The following RANBP2 variants were observed in gnomAD, a reference collection of about 807,000 sequenced individuals.
RANBP2 encodes the protein RAN binding protein 2, also known as E3 SUMO-protein ligase RanBP2.
Under a neutral mutation model 303.6 loss-of-function variants are expected in RANBP2, and 57 were observed. The ratio of observed to expected loss-of-function variants is 0.19; its 90% CI spans 0.15 to 0.23. The LOEUF (loss-of-function observed/expected upper bound fraction) is 0.23, where lower values mean the gene tolerates loss of function less well. Among genes scored for constraint, RANBP2 ranks in the 10% least tolerant of loss-of-function variants. RANBP2 has a pLI of 1.00. For synonymous variants in RANBP2, 1,167 were observed against 1,301.5 expected (o/e 0.90, Z 2.23); for missense variants, 3,138 against 3,780.8 (o/e 0.83, Z 4.46).
the RANBP2 span, among the ~76,000 whole-genome samples, chr2:109,135,724 A>G: frequency 6.6e-6 from 1 of 152,116 alleles, no homozygotes; most frequent in Non-Finnish European, 1.5e-5. Flanking sequence ...AGATTCAGTC[A>G]GTCCATGTTG....
chr2:109,491,289 T>A, the RANBP2 span, among the ~76,000 whole-genome samples: 5 of 152,132 alleles, frequency 3.3e-5, no homozygotes, highest in African/African-American at 1.2e-4. Flanking sequence ...AGCAGGCCCC[T>A]GGGCTGAGTC....
In RANBP2 at chr2:108,753,892, A is replaced by G. The variant is rs1043052; in HGVS notation, c.2123A>G (p.Lys708Arg). The change falls in exon 15 of 29, where the codon AAA (lysine) becomes AGA (arginine). Residue 708 changes from lysine (K) to arginine (R), a missense_variant. Lys to Arg is a conservative substitution (Grantham distance 26, BLOSUM62 2). Transcript: ENST00000283195. ...ALSPEEQEEC[K>R]NYLRKTRDYL... ...TCTCCTGAAGAACAAGAAGAATGCA[A>G]AAATTATCTGAGAAAGACCAGGGAC... The G allele has an allele frequency of 1.2e-6, 2 of 1,612,062 alleles. No individual in the cohort carries two copies. Among genetic ancestry groups the G allele is most frequent in the Admixed American group, 1.7e-5 (1 of 60,022 alleles).
the RANBP2 span, among the ~76,000 whole-genome samples, chr2:109,669,317 A>T: frequency 1.3e-5 from 2 of 152,216 alleles, no homozygotes; most frequent in South Asian, 4.1e-4. Flanking sequence ...CAAAGCAAAA[A>T]CAAACAAATG....
the RANBP2 span, chr2:109,592,955 T>A: frequency 4.2e-6 from 3 of 708,008 alleles, no homozygotes; most frequent in Middle Eastern, 2.6e-4. Flanking sequence ...AACAGAAGTC[T>A]CTATCACAAG....
chr2:108,872,658 A>G, the RANBP2 span, among the ~76,000 whole-genome samples: 4 of 152,128 alleles, frequency 2.6e-5, no homozygotes, highest in African/African-American at 2.4e-5. Context: ...GCAGAGGACA[A>G]GAGGGCAAGA....
chr2:109,535,970 G>C, the RANBP2 span, among the ~76,000 whole-genome samples: 107 of 149,412 alleles, frequency 7.2e-4, no homozygotes, highest in African/African-American at 2.3e-3. Context: ...GTCAAGAATT[G>C]AGGTTTGGGA....
At chr2:109,513,563 C>A in the RANBP2 span, among the ~76,000 whole-genome samples, 1 of 151,568 alleles carries the variant, frequency 6.6e-6, no homozygotes, top group Non-Finnish European at 1.5e-5. Context: ...ACTGCATGCA[C>A]ACACCACACA....
chr2:109,658,103 G>A, the RANBP2 span, among the ~76,000 whole-genome samples: 2 of 151,752 alleles, frequency 1.3e-5, no homozygotes, highest in East Asian at 1.9e-4. Flanking sequence ...CAGAGTTCAC[G>A]TATAGAACCT....
chr2:109,371,755 C>A, the RANBP2 span: 1 of 1,252,752 alleles, frequency 8.0e-7, no homozygotes, highest in Non-Finnish European at 1.1e-6. Context: ...GGTCACCTGA[C>A]CTTCAAGCCC....
the RANBP2 span, among the ~76,000 whole-genome samples, chr2:109,684,217 C>T: frequency 6.7e-6 from 1 of 149,820 alleles, no homozygotes; most frequent in South Asian, 2.1e-4. Context: ...GCTGGGATTA[C>T]AGGCGTAAGC....
At chr2:109,302,804 T>C in the RANBP2 span, among the ~76,000 whole-genome samples, 1 of 152,204 alleles carries the variant, frequency 6.6e-6, no homozygotes, top group Non-Finnish European at 1.5e-5. Flanking sequence ...AAGGTTATGC[T>C]GGAGAAAAGT....
chr2:109,224,940 C>A, the RANBP2 span, among the ~76,000 whole-genome samples: 1 of 152,060 alleles, frequency 6.6e-6, no homozygotes, highest in Non-Finnish European at 1.5e-5. Context: ...CTCTAATGGA[C>A]AGCTAGAGAA....
chr2:109,238,496 T>A, the RANBP2 span, among the ~76,000 whole-genome samples: 8 of 131,300 alleles, frequency 6.1e-5, no homozygotes, highest in East Asian at 6.5e-4. Flanking sequence ...TGTGTGTGTG[T>A]GTGAGAGTGA....
chr2:109,267,160 C>G, the RANBP2 span, among the ~76,000 whole-genome samples: 3 of 152,050 alleles, frequency 2.0e-5, no homozygotes, highest in African/African-American at 4.8e-5. Context: ...GAGTTGCTTC[C>G]GATCGGTGAT....
chr2:108,983,285 G>A, the RANBP2 span, among the ~76,000 whole-genome samples: 1 of 152,162 alleles, frequency 6.6e-6, no homozygotes, highest in South Asian at 2.1e-4. Context: ...AAATCTTAAA[G>A]AAAATGAACC....
the RANBP2 span, among the ~76,000 whole-genome samples, chr2:109,687,033 A>G: frequency 6.6e-6 from 1 of 152,246 alleles, no homozygotes; most frequent in Non-Finnish European, 1.5e-5. Flanking sequence ...TGTAAATAAA[A>G]TAATGCTCAT....
At chr2:109,246,768 G>A in the RANBP2 span, among the ~76,000 whole-genome samples, 1 of 152,238 alleles carries the variant, frequency 6.6e-6, no homozygotes, top group Non-Finnish European at 1.5e-5. Flanking sequence ...TGATACCTGA[G>A]CCTGGAGAGC....
At chr2:109,673,419 A>G in the RANBP2 span, among the ~76,000 whole-genome samples, 1 of 152,182 alleles carries the variant, frequency 6.6e-6, no homozygotes, top group Non-Finnish European at 1.5e-5. Flanking sequence ...ATTTTGGGAG[A>G]AACCTCTGTT....
the RANBP2 span, among the ~76,000 whole-genome samples, chr2:108,803,864 A>G: frequency 6.6e-6 from 1 of 152,214 alleles, no homozygotes; most frequent in Non-Finnish European, 1.5e-5. Context: ...AATGGAATGC[A>G]TATGTTTTTA....
Sources: allele counts gnomAD v4.1 joint callset (sites outside exome capture counted in the v4.1 genomes callset), GRCh38; gene constraint gnomAD v4.1.1; transcripts MANE v1.5; gene names NCBI Gene and HGNC (gene_info 2026-07-23, HGNC 2026-07-21).